The following HTR1F variants were observed in gnomAD, a reference collection of about 807,000 sequenced individuals.
HTR1F encodes 5-hydroxytryptamine receptor 1F.
A neutral mutation model predicts 24.0 loss-of-function variants in HTR1F; 17 were observed. That is an observed-to-expected ratio of 0.71 (90% confidence interval 0.48 to 1.06). The LOEUF is 1.06. Ranked by LOEUF, HTR1F falls within the 50% of genes least tolerant of loss-of-function variation. The probability of loss-of-function intolerance (pLI) is 0.00; values close to 1 mark genes in which losing one functional copy is unlikely to be tolerated. For missense variants in HTR1F, 391 were observed against 427.8 expected (o/e 0.91, Z 0.76); for synonymous variants, 186 against 156.8 (o/e 1.19, Z -1.39).
At chr3:87,976,796 T>C (rs1705405354) in intron 2 of HTR1F, among the ~76,000 whole-genome samples, 1 of 152,198 alleles carries the variant, frequency 6.6e-6, no homozygotes, top group African/African-American at 2.4e-5. Context: ...ATCAACTTTT[T>C]AGTAACTTTC....
chr3:87,987,810 ATATG>A (rs1302969658), intron 2 of HTR1F, among the ~76,000 whole-genome samples: 2 of 143,640 alleles, frequency 1.4e-5, no homozygotes, highest in East Asian at 2.0e-4. Context: ...TATGTATTAT[ATATG>A]TATTATATAT....
chr3:87,946,676 C>T (rs1328119923), intron 2 of HTR1F, among the ~76,000 whole-genome samples: 3 of 149,466 alleles, frequency 2.0e-5, no homozygotes, highest in Non-Finnish European at 3.0e-5. Context: ...GGCTGGAGTG[C>T]AGTGGCACAA....
chr3:87,803,910 G>A (rs903860534), intron 1 of HTR1F, among the ~76,000 whole-genome samples: 1 of 152,020 alleles, frequency 6.6e-6, no homozygotes, highest in African/African-American at 2.4e-5. Context: ...TACAGAAGAG[G>A]GAAGTGATTC....
intron 2 of HTR1F, among the ~76,000 whole-genome samples, chr3:87,958,992 T>C (rs1705004411): frequency 6.6e-6 from 1 of 151,794 alleles, no homozygotes; most frequent in African/African-American, 2.4e-5. Flanking sequence ...GAATATTTTA[T>C]CAGGGTAAAA....
At chr3:87,908,716 C>T (rs1387292668) in intron 2 of HTR1F, among the ~76,000 whole-genome samples, 1 of 151,932 alleles carries the variant, frequency 6.6e-6, no homozygotes, top group East Asian at 1.9e-4. Flanking sequence ...TCATTGTCTA[C>T]AGAATGAATG....
At chr3:87,864,052 A>G (rs1194838646) in intron 2 of HTR1F, among the ~76,000 whole-genome samples, 1 of 152,118 alleles carries the variant, frequency 6.6e-6, no homozygotes, top group Non-Finnish European at 1.5e-5. Flanking sequence ...CTCATACTGT[A>G]TCACTCTGAT....
chr3:87,871,277 A>G (rs139894728), intron 2 of HTR1F, among the ~76,000 whole-genome samples: 1,620 of 152,118 alleles, frequency 0.011, 14 homozygotes, highest in Middle Eastern at 0.024. Flanking sequence ...GAAAAAATTG[A>G]CTAGAGGAGT....
intron 2 of HTR1F, among the ~76,000 whole-genome samples, chr3:87,876,516 G>C (rs1426474983): frequency 6.6e-6 from 1 of 152,110 alleles, no homozygotes; most frequent in Non-Finnish European, 1.5e-5. Context: ...GGTGAAATAA[G>C]CCAATCACAA....
At chr3:87,899,534 A>C (rs1706276069) in intron 2 of HTR1F, among the ~76,000 whole-genome samples, 1 of 152,138 alleles carries the variant, frequency 6.6e-6, no homozygotes, top group South Asian at 2.1e-4. Flanking sequence ...TAATTTACAT[A>C]GTAATTTTAA....
At position 87,961,825 on chromosome 3, in the gene HTR1F, G is replaced by T. The variant is rs528941935; in HGVS notation, c.-42-28883G>T. 2.9e-4 allele frequency among the ~76,000 whole-genome samples: 44 copies of T among 151,254 alleles called. No individual in the cohort carries two copies. In the South Asian group the frequency reaches 9.0e-3, roughly 31 times the overall value. On this transcript the variant is annotated intron_variant, in intron 2 of 2. Transcript: ENST00000319595. The stretch of plus-strand genomic sequence containing the variant: ...TCTAAAAAAAAAAAAAGAATAAAAG[G>T]TTTACAGAAATTCTACCAAATATGA...
intron 2 of HTR1F, among the ~76,000 whole-genome samples, chr3:87,983,608 T>C (rs1705599238): frequency 6.6e-6 from 1 of 152,176 alleles, no homozygotes; most frequent in Non-Finnish European, 1.5e-5. Flanking sequence ...CTTGTTGCCC[T>C]CTCTGGCCTG....
At position 87,815,090 on chromosome 3, in the gene HTR1F, T is replaced by C. The variant is rs143912196; in HGVS notation, c.-159-6918T>C. Among the ~76,000 whole-genome samples the C allele has an allele frequency of 1.4e-3, 213 of 152,216 alleles. 1 individual carries two copies. Among genetic ancestry groups the C allele is most frequent in the African/African-American group, 4.9e-3 (202 of 41,560 alleles). ...AAGTCAAGGAATGTGGAAAGGGTAT[T>C]GAGTGGACCAACCTATGGTATTTGC... On this transcript the variant is annotated intron_variant, in intron 1 of 2. Transcript: ENST00000319595.
At chr3:87,905,638 A>G (rs1703650207) in intron 2 of HTR1F, among the ~76,000 whole-genome samples, 1 of 151,878 alleles carries the variant, frequency 6.6e-6, no homozygotes, top group Non-Finnish European at 1.5e-5. Flanking sequence ...AAAGAATGTT[A>G]TTACAATTTG....
intron 2 of HTR1F, among the ~76,000 whole-genome samples, chr3:87,848,822 C>T (rs1183717356): frequency 1.3e-5 from 2 of 151,558 alleles, no homozygotes; most frequent in Non-Finnish European, 2.9e-5. Flanking sequence ...AACAGACAAA[C>T]GGAGAGCCAA....
chr3:87,898,508 T>G (rs1027040619), intron 2 of HTR1F, among the ~76,000 whole-genome samples: 5 of 152,168 alleles, frequency 3.3e-5, no homozygotes, highest in Non-Finnish European at 7.4e-5. Flanking sequence ...GATTAGCTAT[T>G]AATAAGATAA....
intron 2 of HTR1F, among the ~76,000 whole-genome samples, chr3:87,957,810 A>G (rs1353205177): frequency 1.3e-5 from 2 of 151,402 alleles, no homozygotes; most frequent in Admixed American, 6.6e-5. Flanking sequence ...ACTGATTAAA[A>G]GTAATTAAAA....
intron 1 of HTR1F, among the ~76,000 whole-genome samples, chr3:87,808,356 A>G (rs1421399825): frequency 6.6e-6 from 1 of 151,866 alleles, no homozygotes; most frequent in African/African-American, 2.4e-5. Flanking sequence ...CAGTTGTATG[A>G]GTCCAGGAAT....
At chr3:87,986,119 C>T (rs1449816701) in intron 2 of HTR1F, among the ~76,000 whole-genome samples, 1 of 152,250 alleles carries the variant, frequency 6.6e-6, no homozygotes, top group South Asian at 2.1e-4. Context: ...ATGTAGCATA[C>T]TCTATGTCCA....
rs1704338832 is a variant in HTR1F, at chr3:87,820,476, C to T, written c.-159-1532C>T. On this transcript the variant is annotated intron_variant, in intron 1 of 2. Transcript: ENST00000319595. The stretch of plus-strand genomic sequence containing the variant: ...CAGGCGTGAGCCACCGCGCCCGGCT[C>T]ATGACCCATTTTAACATGATTTATG... Among the ~76,000 whole-genome samples the T allele has an allele frequency of 5.9e-5, 9 of 152,206 alleles. No individual in the cohort carries two copies. The South Asian group carries it at 1.7e-3, about 28-fold the overall frequency.
Sources: gnomAD v4.1 joint callset for allele counts (sites outside exome capture counted in the v4.1 genomes callset) on GRCh38, gnomAD v4.1.1 for gene constraint, MANE v1.5 for transcripts, NCBI Gene and HGNC (gene_info 2026-07-23, HGNC 2026-07-21) for gene names.